Variants in ZNF540 observed in about 807,000 individuals in gnomAD.
ZNF540 encodes the protein zinc finger protein 540, also known as CTD-3064H18.6.
ZNF540 carries 3 observed loss-of-function variants against 11.8 expected under a neutral mutation model. The observed-to-expected ratio is 0.25, with a 90% confidence interval of 0.12 to 0.65. ZNF540 has a LOEUF of 0.65. ZNF540 is among the 30% of genes least tolerant of loss of function. ZNF540 has a pLI of 0.83. For missense variants in ZNF540, 709 were observed against 793.1 expected, an observed-to-expected ratio of 0.89 and a Z score of 1.27; for synonymous variants, 247 against 259.0, an observed-to-expected ratio of 0.95 and a Z score of 0.45.
chr19:37,558,626 C>A (rs966693826), intron 1 of ZNF540, among the ~76,000 whole-genome samples: 5 of 152,126 alleles, frequency 3.3e-5, no homozygotes, highest in African/African-American at 1.2e-4. Flanking sequence ...AGAGAAAGAC[C>A]TCTGTGCACA....
chr19:37,575,030 T>C (rs1429504500), intron 1 of ZNF540, among the ~76,000 whole-genome samples: 1 of 152,230 alleles, frequency 6.6e-6, no homozygotes, highest in Non-Finnish European at 1.5e-5. Context: ...GTTATTCACA[T>C]AATTATAAAT....
chr19:37,565,666 C>G (rs763418357), intron 1 of ZNF540: 3 of 1,613,204 alleles, frequency 1.9e-6, no homozygotes, highest in Admixed American at 1.7e-5. Context: ...TTCCACATTT[C>G]TTACATTCAT....
At chr19:37,566,566 ATAAAAACACCCTCT>A in intron 1 of ZNF540, 1 of 294,248 alleles carries the variant, frequency 3.4e-6, no homozygotes, top group Non-Finnish European at 6.3e-6. Context: ...TAAAATAGTA[ATAAAAACACCCTCT>A]TGAAAACAAA....
At chr19:37,568,327 A>T (rs1600467816) in intron 1 of ZNF540, among the ~76,000 whole-genome samples, 1 of 113,994 alleles carries the variant, frequency 8.8e-6, no homozygotes, top group African/African-American at 3.6e-5. Flanking sequence ...ACCCCCCCCC[A>T]CTTGCCATAT....
intron 1 of ZNF540, chr19:37,563,540 A>G (rs1195014661): frequency 1.3e-5 from 2 of 152,114 alleles, no homozygotes; most frequent in African/African-American, 4.8e-5. Flanking sequence ...ATATATATGG[A>G]ATACATATGT....
At position 37,599,747 on chromosome 19, in the gene ZNF540, C is replaced by A; in HGVS notation, c.131C>A (p.Ser44Ter). Reference sequence around the variant, plus strand: ...TTGGAGAATTATAATAACTTGGTCTCACTGGGTAAGGTCACCTATGTCAAA... The same window carrying A: ...TTGGAGAATTATAATAACTTGGTCTAACTGGGTAAGGTCACCTATGTCAAA... ...VMLENYNNLV[S>*]LGYSGSKPDV... The change falls in exon 3 of 5, where the codon TCA (serine) becomes TAA (stop). Residue 44 changes from serine to a stop codon, truncating the protein, a stop_gained. Transcript: ENST00000316433. LOFTEE classifies it high-confidence loss of function. 3 of 1,606,378 alleles carry A rather than the reference C, an allele frequency of 1.9e-6. No individual in the cohort carries two copies. Among genetic ancestry groups the A allele is most frequent in the Non-Finnish European group, 2.6e-6 (3 of 1,175,752 alleles).
chr19:37,562,019 T>C lies in ZNF540; in HGVS notation c.-73+10354T>C, dbSNP rs181777898. On this transcript the variant is annotated intron_variant, in intron 1 of 4. Transcript: ENST00000592533. ...TAAAACAGTGAATTAACATTTAGAT[T>C]ATAATCATACACTATATACAATCAG... 1.3e-4 allele frequency among the ~76,000 whole-genome samples: 20 copies of C among 152,322 alleles called. 1 individual carries two copies. Among genetic ancestry groups the C allele is most frequent in the Admixed American group, 7.8e-4 (12 of 15,294 alleles).
At chr19:37,605,504 C>A (rs916869648) in intron 4 of ZNF540, among the ~76,000 whole-genome samples, 31 of 151,950 alleles carry the variant, frequency 2.0e-4, no homozygotes, top group Non-Finnish European at 4.4e-4. Flanking sequence ...AAAAATTAGC[C>A]GGGTGTGGTG....
upstream of ZNF540, among the ~76,000 whole-genome samples, chr19:37,591,566 T>TG (rs1366443373): frequency 7.2e-5 from 11 of 152,306 alleles, no homozygotes; most frequent in South Asian, 2.3e-3. Context: ...TATCTTGAGA[T>TG]GGAGTTTCAC....
At chr19:37,593,384 C>A (rs1032949800), upstream of ZNF540, among the ~76,000 whole-genome samples, 1 of 152,100 alleles carries the variant, frequency 6.6e-6, no homozygotes, top group African/African-American at 2.4e-5. Context: ...AAATTTCCCC[C>A]AGAAAGTACA....
chr19:37,564,835 T>A (rs971403189), intron 1 of ZNF540: 4 of 1,614,062 alleles, frequency 2.5e-6, no homozygotes, highest in Middle Eastern at 1.7e-4. Flanking sequence ...ACTGTTTACA[T>A]TCATAAGGTT....
chr19:37,598,579 T>G, intron 2 of ZNF540, 123 bp downstream of exon 2: 1 of 1,006,480 alleles, frequency 9.9e-7, no homozygotes, highest in South Asian at 1.4e-5. Flanking sequence ...TCCAAGCTCC[T>G]CCCATGGGCC....
chr19:37,577,480 TATC>T (rs2043282896), intron 1 of ZNF540, among the ~76,000 whole-genome samples: 1 of 152,170 alleles, frequency 6.6e-6, no homozygotes, highest in Admixed American at 6.5e-5. Flanking sequence ...ACAGAAAAAG[TATC>T]ATAATGCAAA....
At chr19:37,579,696 TAC>T (rs960326052) in intron 1 of ZNF540, among the ~76,000 whole-genome samples, 18 of 152,202 alleles carry the variant, frequency 1.2e-4, no homozygotes, top group African/African-American at 4.3e-4. Context: ...TTAATTTTAT[TAC>T]AGTTATAAAG....
Position 37,565,321 on chromosome 19 carries a change from C to T in ZNF540, c.-73+13656C>T, listed in dbSNP as rs1385876510. On this transcript the variant is annotated intron_variant, in intron 1 of 4. Transcript: ENST00000592533. ...GTTGTGAGCCACGAAAAAAGGTCTT[C>T]CCGCATTCTTTACATTCATAGGGTT... 2.5e-6 allele frequency: 4 copies of T among 1,611,970 alleles called. No homozygotes were observed. The East Asian group carries it at 8.9e-5, about 36-fold the overall frequency.
rs980358132 is a variant in ZNF540, at chr19:37,566,468, A to G, written c.-73+14803A>G. 4 of 677,382 alleles carry G rather than the reference A, an allele frequency of 5.9e-6. No homozygotes were observed. The Admixed American group carries it at 1.4e-4, about 24-fold the overall frequency. 42.0% of individuals were successfully genotyped at this position (677,382 alleles called of 1,614,324 possible). ...CAAGGAGAGAATAAAGAAAAAGGAG[A>G]GCTTATAGGAAAGAAGGTAATTAGA... is the stretch of plus-strand genomic sequence containing the variant. On this transcript the variant is annotated intron_variant, in intron 1 of 4. Coordinates refer to the ZNF540 transcript ENST00000592533.
Position 37,612,350 on chromosome 19 carries a change from G to A in ZNF540, c.1070G>A (p.Cys357Tyr), listed in dbSNP as rs2044138087. ...KIHTGVKPYE[C>Y]KECGKTFRLS... The stretch of plus-strand genomic sequence containing the variant: ...CATACTGGTGTAAAACCCTACGAAT[G>A]TAAGGAATGTGGAAAGACCTTTAGA... The change falls in exon 5 of 5, where the codon TGT (cysteine) becomes TAT (tyrosine). Residue 357 changes from cysteine to tyrosine, a missense_variant. Transcript: ENST00000316433. 6.2e-7 allele frequency: 1 copy of A among 1,613,982 alleles called. No individual in the cohort carries two copies.
At chr19:37,558,761 T>C (rs1211798764) in intron 1 of ZNF540, among the ~76,000 whole-genome samples, 6 of 152,170 alleles carry the variant, frequency 3.9e-5, no homozygotes, top group Non-Finnish European at 5.9e-5. Context: ...GCTTTCTCAT[T>C]ATCCAGAATG....
intron 1 of ZNF540, among the ~76,000 whole-genome samples, chr19:37,568,326 C>CCA (rs397961652): frequency 1.3e-5 from 2 of 150,626 alleles, no homozygotes; most frequent in African/African-American, 2.4e-5. Flanking sequence ...TACCCCCCCC[C>CCA]ACTTGCCATA....
Sources: allele counts gnomAD v4.1 joint callset (sites outside exome capture counted in the v4.1 genomes callset), GRCh38; gene constraint gnomAD v4.1.1; transcripts MANE v1.5; gene names NCBI Gene and HGNC (gene_info 2026-07-23, HGNC 2026-07-21).